NRXN3: variants seen among roughly 807,000 people sequenced by gnomAD.
The protein encoded by NRXN3 is neurexin III.
A neutral mutation model predicts 137.6 loss-of-function variants in NRXN3; 32 were observed. The observed-to-expected ratio is 0.23, with a 90% CI of 0.18 to 0.31. NRXN3 has a LOEUF of 0.31. Among genes scored for constraint, NRXN3 ranks in the 10% least tolerant of loss-of-function variants. The pLI is 1.00. For missense variants in NRXN3, 1,574 were observed against 2,062.5 expected, an observed-to-expected ratio of 0.76 and a Z score of 4.59; for synonymous variants, 798 against 784.5, an observed-to-expected ratio of 1.02 and a Z score of -0.29.
intron 2 of NRXN3, among the ~76,000 whole-genome samples, chr14:78,265,084 ACT>A (rs1490283874): frequency 6.6e-6 from 1 of 152,140 alleles, no homozygotes; most frequent in East Asian, 1.9e-4. Flanking sequence ...CCACTGCCGT[ACT>A]CTTTTTCTGA....
intron 4 of NRXN3, among the ~76,000 whole-genome samples, chr14:78,452,076 G>A (rs1241361749): frequency 6.6e-6 from 1 of 152,138 alleles, no homozygotes. Context: ...AATAAATATA[G>A]CTGACATTTA....
At chr14:79,712,389 A>AT (rs2098807537) in intron 19 of NRXN3, among the ~76,000 whole-genome samples, 2 of 152,220 alleles carry the variant, frequency 1.3e-5, no homozygotes, top group Non-Finnish European at 2.9e-5. Context: ...GATTAAATAA[A>AT]TGTTCAGAGT....
At chr14:78,401,628 A>T (rs2092071231) in intron 4 of NRXN3, among the ~76,000 whole-genome samples, 1 of 152,246 alleles carries the variant, frequency 6.6e-6, no homozygotes, top group Non-Finnish European at 1.5e-5. Context: ...TTAAATTTTA[A>T]CATAAATTTT....
At chr14:79,629,451 T>G (rs1044171063) in intron 16 of NRXN3, among the ~76,000 whole-genome samples, 1 of 152,180 alleles carries the variant, frequency 6.6e-6, no homozygotes, top group Non-Finnish European at 1.5e-5. Context: ...ATGTTACAAT[T>G]TTACTACCTT....
chr14:79,480,233 A>T (rs1444133994), intron 16 of NRXN3, among the ~76,000 whole-genome samples: 2 of 152,152 alleles, frequency 1.3e-5, no homozygotes, highest in East Asian at 3.9e-4. Flanking sequence ...AGCAGATTCC[A>T]TTTAAATTGT....
intron 16 of NRXN3, among the ~76,000 whole-genome samples, chr14:79,662,022 T>G (rs545039644): frequency 6.6e-6 from 1 of 152,256 alleles, no homozygotes; most frequent in East Asian, 1.9e-4. Context: ...TCTCATGATA[T>G]CTGATGGTTT....
rs562807404 is a variant in NRXN3, at chr14:79,529,244, G to T, written c.3444+61842G>T. ...GAGCAAGCAGGCGGTACGTGACAGG[G>T]GCTGCATGCACCGGTGGTCAGAGAG... On this transcript the variant is annotated intron_variant, in intron 16 of 20. Coordinates refer to ENST00000335750, the MANE Select transcript of NRXN3 (RefSeq NM_001330195.2). Among the ~76,000 whole-genome samples, 23 of 152,252 alleles carry T rather than the reference G, an allele frequency of 1.5e-4. No homozygotes were observed. In the South Asian group the frequency reaches 4.1e-3, roughly 27 times the overall value.
chr14:79,261,805 G>C (rs1326741229), intron 15 of NRXN3, among the ~76,000 whole-genome samples: 3 of 152,134 alleles, frequency 2.0e-5, no homozygotes, highest in Admixed American at 6.5e-5. Context: ...GTTCTCATGG[G>C]ATAGAAGAAG....
intron 16 of NRXN3, among the ~76,000 whole-genome samples, chr14:79,661,303 T>C (rs1282813649): frequency 1.3e-5 from 2 of 152,088 alleles, no homozygotes; most frequent in African/African-American, 4.8e-5. Flanking sequence ...TTATATTGCA[T>C]ATTATGTAAT....
chr14:79,862,165 G>T lies in NRXN3; in HGVS notation c.*201G>T. On this transcript the variant is annotated 3_prime_UTR_variant, in exon 21 of 21. Transcript: ENST00000335750. ...GCATCTCTCTCTAAAGCTCAGCCAC[G>T]GCTGCGGCAAGGTCCCAGCGGTCGC... 1.8e-6 allele frequency: 1 copy of T among 556,090 alleles called. No homozygotes were observed. Among genetic ancestry groups the T allele is most frequent in the East Asian group, 3.1e-5 (1 of 32,656 alleles). The allele number at this position is 556,090 out of a possible 1,614,324, so 34.4% of individuals were successfully genotyped here.
intron 15 of NRXN3, among the ~76,000 whole-genome samples, chr14:79,173,736 C>T (rs1014626009): frequency 6.6e-6 from 1 of 151,932 alleles, no homozygotes; most frequent in Non-Finnish European, 1.5e-5. Flanking sequence ...CAATCCAGAC[C>T]TCATACAATG....
intron 16 of NRXN3, among the ~76,000 whole-genome samples, chr14:79,624,891 C>A (rs1449888988): frequency 1.3e-5 from 2 of 150,488 alleles, no homozygotes; most frequent in Non-Finnish European, 2.9e-5. Flanking sequence ...GCAGCCTCAA[C>A]TTCCCAGGCT....
chr14:79,117,145 C>G (rs1403463808), intron 15 of NRXN3, among the ~76,000 whole-genome samples: 2 of 152,208 alleles, frequency 1.3e-5, no homozygotes, highest in Non-Finnish European at 1.5e-5. Flanking sequence ...AGCTTACATT[C>G]TGGTAATATT....
chr14:79,749,788 T>TA (rs57823474), intron 19 of NRXN3, among the ~76,000 whole-genome samples: 7,066 of 152,016 alleles, frequency 0.046, 191 homozygotes, highest in Non-Finnish European at 0.057. Context: ...CATTTTTTTT[T>TA]ATTGCATGTC....
rs1165017659 is a variant in NRXN3, at chr14:79,026,005, G to A, written c.3262+37864G>A. ...AATGGAACAGCAGAAGTCCAGGTAT[G>A]TCTCATCGGTCAGCATTGGTCAGAA... On this transcript the variant is annotated intron_variant, in intron 15 of 20. Coordinates refer to ENST00000335750, the MANE Select transcript of NRXN3 (RefSeq NM_001330195.2). 3.3e-5 allele frequency among the ~76,000 whole-genome samples: 5 copies of A among 152,076 alleles called. No individual in the cohort carries two copies. The East Asian group carries it at 5.8e-4, about 18-fold the overall frequency.
chr14:78,173,488 G>A (rs912933282), intron 1 of NRXN3, among the ~76,000 whole-genome samples: 10 of 151,582 alleles, frequency 6.6e-5, no homozygotes, highest in Non-Finnish European at 1.5e-4. Context: ...TGGCGTCTGG[G>A]CATTGTGTGT....
intron 15 of NRXN3, among the ~76,000 whole-genome samples, chr14:79,295,580 C>G (rs2083937027): frequency 6.6e-6 from 1 of 152,078 alleles, no homozygotes; most frequent in African/African-American, 2.4e-5. Flanking sequence ...GCTGGACTCC[C>G]AGTACCTAAG....
At chr14:79,022,182 A>G (rs2099590782) in intron 15 of NRXN3, among the ~76,000 whole-genome samples, 1 of 152,332 alleles carries the variant, frequency 6.6e-6, no homozygotes, top group African/African-American at 2.4e-5. Flanking sequence ...CAATTGTTTA[A>G]TACATTTTTA....
intron 18 of NRXN3, 41 bp downstream of exon 18, chr14:79,692,303 C>A: frequency 7.0e-7 from 1 of 1,424,516 alleles, no homozygotes; most frequent in Non-Finnish European, 9.8e-7. Context: ...TCATTTGATC[C>A]TAAACCCTCA....
Sources: allele counts gnomAD v4.1 joint callset (sites outside exome capture counted in the v4.1 genomes callset), GRCh38; gene constraint gnomAD v4.1.1; transcripts MANE v1.5; gene names NCBI Gene and HGNC (gene_info 2026-07-23, HGNC 2026-07-21).